Variants in VTA1 observed in about 807,000 individuals in gnomAD.
VTA1 encodes vesicle trafficking 1.
Under a neutral mutation model 36.9 loss-of-function variants are expected in VTA1, and 24 were observed. The observed-to-expected ratio is 0.65, with a 90% CI of 0.47 to 0.91. VTA1 has a LOEUF of 0.91. Ranked by LOEUF, VTA1 falls within the 40% of genes least tolerant of loss-of-function variation. The pLI, the probability that VTA1 is intolerant of heterozygous loss-of-function variation, is 0.00. For synonymous variants in VTA1, 142 were observed against 130.2 expected, an observed-to-expected ratio of 1.09 and a Z score of -0.62; for missense variants, 393 against 377.2, an observed-to-expected ratio of 1.04 and a Z score of -0.35.
intron 2 of VTA1, among the ~76,000 whole-genome samples, chr6:142,168,607 A>G (rs1774967048): frequency 6.6e-6 from 1 of 151,702 alleles, no homozygotes; most frequent in Non-Finnish European, 1.5e-5. Context: ...TACAGATAGA[A>G]GTTGCATTGA....
At chr6:142,175,189 T>C (rs1775096446) in intron 4 of VTA1, among the ~76,000 whole-genome samples, 1 of 152,172 alleles carries the variant, frequency 6.6e-6, no homozygotes, top group Admixed American at 6.5e-5. Flanking sequence ...ACATAACTAA[T>C]TCATCTTATT....
At chr6:142,179,124 CTCATAA>C (rs1775177741) in intron 4 of VTA1, among the ~76,000 whole-genome samples, 2 of 151,868 alleles carry the variant, frequency 1.3e-5, no homozygotes, top group East Asian at 1.9e-4. Flanking sequence ...TAAGGAAAAA[CTCATAA>C]TCATAATTGG....
intron 4 of VTA1, among the ~76,000 whole-genome samples, chr6:142,188,340 G>A (rs544124664): frequency 8.9e-5 from 12 of 135,172 alleles, no homozygotes; most frequent in African/African-American, 1.6e-4. Flanking sequence ...TCAGCCTCCC[G>A]AGTAGCTGCA....
intron 4 of VTA1, among the ~76,000 whole-genome samples, chr6:142,185,231 TC>T (rs1298040016): frequency 6.6e-6 from 1 of 152,148 alleles, no homozygotes; most frequent in Non-Finnish European, 1.5e-5. Context: ...TAGTAACAGT[TC>T]TTTGTATTTT....
chr6:142,181,094 A>AAAAAAAAAATATATATATATATAT (rs1471429927), intron 4 of VTA1, among the ~76,000 whole-genome samples: 1 of 36,442 alleles, frequency 2.7e-5, no homozygotes, highest in African/African-American at 7.6e-5. Context: ...AAAAAAAAAA[A>AAAAAAAAAATATATATATATATAT]ATATATATAT....
intron 4 of VTA1, among the ~76,000 whole-genome samples, chr6:142,187,784 G>A (rs1202706355): frequency 6.6e-6 from 1 of 152,026 alleles, no homozygotes; most frequent in Non-Finnish European, 1.5e-5. Flanking sequence ...TTAGTTTTCT[G>A]TACAGAAGCT....
intron 7 of VTA1, among the ~76,000 whole-genome samples, chr6:142,209,775 G>A (rs1322402895): frequency 1.3e-5 from 2 of 151,914 alleles, no homozygotes; most frequent in Non-Finnish European, 2.9e-5. Context: ...AAAATGGAAA[G>A]ATACTCCATG....
intron 4 of VTA1, among the ~76,000 whole-genome samples, chr6:142,186,870 G>C (rs1775351055): frequency 6.6e-6 from 1 of 151,994 alleles, no homozygotes; most frequent in African/African-American, 2.4e-5. Flanking sequence ...GTATGAATCT[G>C]GTAGGTGGTG....
Position 142,220,439 on chromosome 6 carries a change from A to G in VTA1, c.*1796A>G, listed in dbSNP as rs1252917801. Reference sequence around the variant, plus strand: ...TATAGAAACTACGGAGTCCGCTGGTAGTGGGCTGCATGGTGTGACAGAGCC... The same window carrying G: ...TATAGAAACTACGGAGTCCGCTGGTGGTGGGCTGCATGGTGTGACAGAGCC... On this transcript the variant is annotated 3_prime_UTR_variant, in exon 8 of 8. Coordinates refer to ENST00000367630, the MANE Select transcript of VTA1 (RefSeq NM_016485.5). 1 of 152,202 alleles carries G rather than the reference A, an allele frequency of 6.6e-6. No individual in the cohort carries two copies. The highest frequency in any genetic ancestry group is 1.5e-5 in the Non-Finnish European group (1 of 68,048). 9.4% of individuals were successfully genotyped at this position (152,202 alleles called of 1,614,324 possible).
chr6:142,191,569 C>T (rs1775457036), intron 5 of VTA1, among the ~76,000 whole-genome samples: 1 of 151,954 alleles, frequency 6.6e-6, no homozygotes, highest in African/African-American at 2.4e-5. Flanking sequence ...GTTGTCATTT[C>T]TGTTATTTAT....
intron 7 of VTA1, among the ~76,000 whole-genome samples, chr6:142,205,163 G>A (rs1283113092): frequency 6.6e-6 from 1 of 152,206 alleles, no homozygotes; most frequent in African/African-American, 2.4e-5. Flanking sequence ...AATGAGGAGA[G>A]CCTTTTAGGG....
At chr6:142,151,696 G>A (rs993002523) in intron 1 of VTA1, among the ~76,000 whole-genome samples, 3 of 152,156 alleles carry the variant, frequency 2.0e-5, no homozygotes, top group Admixed American at 1.3e-4. Flanking sequence ...TAAAATCTTC[G>A]GCTCTGAGGT....
At chr6:142,181,094 AATATATAT>A (rs1169535055) in intron 4 of VTA1, among the ~76,000 whole-genome samples, 1 of 36,442 alleles carries the variant, frequency 2.7e-5, no homozygotes, top group Non-Finnish European at 5.8e-5. Flanking sequence ...AAAAAAAAAA[AATATATAT>A]ATATATATAT....
chr6:142,196,597 GGTTA>G (rs1023037807), intron 5 of VTA1, among the ~76,000 whole-genome samples: 1 of 151,558 alleles, frequency 6.6e-6, no homozygotes, highest in African/African-American at 2.4e-5. Flanking sequence ...TCCCCCCTCT[GGTTA>G]GTTTTGTCTC....
intron 4 of VTA1, among the ~76,000 whole-genome samples, chr6:142,188,833 A>G (rs1358254281): frequency 1.3e-5 from 2 of 152,210 alleles, no homozygotes; most frequent in Non-Finnish European, 2.9e-5. Context: ...AGAGGCAGCT[A>G]ACAGGTTCTT....
intron 4 of VTA1, among the ~76,000 whole-genome samples, chr6:142,170,640 A>G (rs1271480011): frequency 6.6e-6 from 1 of 151,948 alleles, no homozygotes; most frequent in Admixed American, 6.6e-5. Flanking sequence ...TTATTTTTGT[A>G]TTTGTTTTTT....
chr6:142,183,873 C>T (rs1161309711), intron 4 of VTA1, among the ~76,000 whole-genome samples: 1 of 152,164 alleles, frequency 6.6e-6, no homozygotes, highest in Non-Finnish European at 1.5e-5. Flanking sequence ...CTTTACTAAA[C>T]TGAGCCCTTT....
intron 5 of VTA1, 47 bp downstream of exon 5, chr6:142,189,581 T>C: frequency 6.7e-7 from 1 of 1,489,830 alleles, no homozygotes; most frequent in Non-Finnish European, 9.3e-7. Flanking sequence ...AGAATCATAA[T>C]TATTCAGTAG....
At chr6:142,190,869 C>T (rs1037815755) in intron 5 of VTA1, among the ~76,000 whole-genome samples, 10 of 152,126 alleles carry the variant, frequency 6.6e-5, no homozygotes, top group Admixed American at 2.0e-4. Context: ...GGTTGTGTTC[C>T]AGTAAAGCTT....
Sources: gnomAD v4.1 joint callset for allele counts (sites outside exome capture counted in the v4.1 genomes callset) on GRCh38, gnomAD v4.1.1 for gene constraint, MANE v1.5 for transcripts, NCBI Gene and HGNC (gene_info 2026-07-23, HGNC 2026-07-21) for gene names.